The following TRIM49 variants were observed in gnomAD, a reference collection of about 807,000 sequenced individuals.
The protein encoded by TRIM49 is tripartite motif containing 49, also known as tripartite motif-containing protein 49.
Under a neutral mutation model 27.4 loss-of-function variants are expected in TRIM49, and 5 were observed. The ratio of observed to expected loss-of-function variants is 0.18; its 90% CI spans 0.10 to 0.38. The LOEUF is 0.38. Among genes scored for constraint, TRIM49 ranks in the 10% least tolerant of loss-of-function variants. The pLI, the probability that TRIM49 is intolerant of heterozygous loss-of-function variation, is 1.00. For synonymous variants in TRIM49, 69 were observed against 166.0 expected, an observed-to-expected ratio of 0.42 and a Z score of 4.49; for missense variants, 188 against 487.5, an observed-to-expected ratio of 0.39 and a Z score of 5.79.
chr11:89,790,289 T>A, the TRIM49 span, among the ~76,000 whole-genome samples: 1 of 140,198 alleles, frequency 7.1e-6, no homozygotes, highest in African/African-American at 2.7e-5. Flanking sequence ...CCACTGCAGC[T>A]CAAGGAGGCC....
intron 4 of TRIM49, among the ~76,000 whole-genome samples, chr11:89,802,223 C>A (rs1015563173): frequency 3.4e-5 from 5 of 148,130 alleles, no homozygotes; most frequent in African/African-American, 1.3e-4. Flanking sequence ...AAAGTAAGAA[C>A]AGTTCATGCT....
chr11:89,805,020 AAAATT>A (rs1654946833), intron 2 of TRIM49, among the ~76,000 whole-genome samples: 1 of 151,640 alleles, frequency 6.6e-6, no homozygotes, highest in Non-Finnish European at 1.5e-5. Flanking sequence ...CCCAGGACTT[AAAATT>A]AAATTAAATT....
chr11:89,785,085 A>G, the TRIM49 span, among the ~76,000 whole-genome samples: 5 of 148,670 alleles, frequency 3.4e-5, no homozygotes, highest in South Asian at 2.1e-4. Flanking sequence ...GAAGTTATTT[A>G]TCAATAGCCT....
intron 2 of TRIM49, among the ~76,000 whole-genome samples, chr11:89,805,427 T>C (rs1949781492): frequency 6.6e-6 from 1 of 150,532 alleles, no homozygotes. Context: ...CATCTCTCAA[T>C]GTGTGTGGGC....
chr11:89,795,564 A>G (rs1293910628), downstream of TRIM49, among the ~76,000 whole-genome samples: 3 of 98,522 alleles, frequency 3.0e-5, no homozygotes, highest in Non-Finnish European at 6.5e-5. Flanking sequence ...GCTATAAAAA[A>G]GGATGAGCTC....
intron 2 of TRIM49, among the ~76,000 whole-genome samples, chr11:89,805,738 G>A (rs1471641371): frequency 6.8e-6 from 1 of 146,328 alleles, no homozygotes; most frequent in South Asian, 2.1e-4. Flanking sequence ...TTTTTTTTGA[G>A]ACAGAGTATC....
chr11:89,773,714 A>G, the TRIM49 span, among the ~76,000 whole-genome samples: 2 of 135,164 alleles, frequency 1.5e-5, no homozygotes, highest in Non-Finnish European at 3.0e-5. Flanking sequence ...CGAGGTGGGC[A>G]GATCACCTGA....
chr11:89,791,386 T>C, the TRIM49 span, among the ~76,000 whole-genome samples: 9 of 151,870 alleles, frequency 5.9e-5, no homozygotes, highest in African/African-American at 2.2e-4. Flanking sequence ...TCAGGAAATA[T>C]AGAGAATACC....
chr11:89,791,003 A>T, the TRIM49 span, among the ~76,000 whole-genome samples: 1 of 148,974 alleles, frequency 6.7e-6, no homozygotes, highest in African/African-American at 2.5e-5. Context: ...AACCTTGAAA[A>T]AAGATTAGAT....
At chr11:89,777,921 G>T in the TRIM49 span, 1 of 626,592 alleles carries the variant, frequency 1.6e-6, no homozygotes, top group Admixed American at 2.9e-5. Context: ...TTTTGCAGGA[G>T]AAACTTATAA....
downstream of TRIM49, among the ~76,000 whole-genome samples, chr11:89,792,678 G>T (rs1949662893): frequency 6.6e-6 from 1 of 152,112 alleles, no homozygotes. Context: ...CAGAAATAAA[G>T]ATGTTCTTTG....
chr11:89,778,046 G>C, the TRIM49 span: 1 of 515,090 alleles, frequency 1.9e-6, no homozygotes, highest in African/African-American at 1.9e-5. Flanking sequence ...TTGTTTTTAC[G>C]CAAATAAACA....
chr11:89,805,740 C>A (rs2134647749), intron 2 of TRIM49, among the ~76,000 whole-genome samples: 1 of 145,962 alleles, frequency 6.9e-6, no homozygotes, highest in South Asian at 2.2e-4. Flanking sequence ...TTTTTTGAGA[C>A]AGAGTATCCT....
At chr11:89,778,292 C>T in the TRIM49 span, among the ~76,000 whole-genome samples, 2 of 152,034 alleles carry the variant, frequency 1.3e-5, no homozygotes, top group Non-Finnish European at 2.9e-5. Context: ...CAACATTTCA[C>T]TAAGATTGGG....
Position 89,800,410 on chromosome 11 carries a change from A to C in TRIM49, c.761+556T>G, listed in dbSNP as rs397833317. Reference sequence around the variant, plus strand: ...GGTGACTTTCTCACCATTCACAAAAAAAAACTTATCTTTCTCCTGTGCAGG... The same window carrying C: ...GGTGACTTTCTCACCATTCACAAAACAAAACTTATCTTTCTCCTGTGCAGG... On this transcript the variant is annotated intron_variant, in intron 6 of 7. Coordinates refer to ENST00000329758, the MANE Select transcript of TRIM49 (RefSeq NM_020358.2). Among the ~76,000 whole-genome samples the C allele has an allele frequency of 1.5e-4, 22 of 151,654 alleles. 1 individual carries two copies. In the South Asian group the frequency reaches 2.5e-3, roughly 17 times the overall value.
At chr11:89,793,043 T>A (rs1949665697), downstream of TRIM49, among the ~76,000 whole-genome samples, 1 of 151,884 alleles carries the variant, frequency 6.6e-6, no homozygotes, top group Non-Finnish European at 1.5e-5. Context: ...ATAGATGCAA[T>A]AAAAAATGAT....
chr11:89,808,376 A>G (rs1282998384), intron 1 of TRIM49, 61 bp downstream of exon 1: 1 of 149,750 alleles, frequency 6.7e-6, no homozygotes, highest in African/African-American at 2.5e-5. Flanking sequence ...AGCAGAACCC[A>G]TAAGATATAT....
downstream of TRIM49, among the ~76,000 whole-genome samples, chr11:89,793,965 A>G (rs1197152324): frequency 2.0e-5 from 3 of 150,108 alleles, no homozygotes; most frequent in East Asian, 4.1e-4. Context: ...TTTGCAGATG[A>G]CACGATTGTA....
chr11:89,791,534 C>G, the TRIM49 span, among the ~76,000 whole-genome samples: 2 of 150,986 alleles, frequency 1.3e-5, no homozygotes, highest in South Asian at 2.1e-4. Flanking sequence ...ATCAGACTAA[C>G]AGCAGAGCTC....
Sources: allele counts gnomAD v4.1 joint callset (sites outside exome capture counted in the v4.1 genomes callset), GRCh38; gene constraint gnomAD v4.1.1; transcripts MANE v1.5; gene names NCBI Gene and HGNC (gene_info 2026-07-23, HGNC 2026-07-21).